Variants in KDM5A observed in about 807,000 individuals in gnomAD.
KDM5A encodes lysine-specific demethylase 5A.
Under a neutral mutation model 193.5 loss-of-function variants are expected in KDM5A, and 42 were observed. That is an observed-to-expected ratio of 0.22 (90% CI 0.17 to 0.28). The LOEUF (loss-of-function observed/expected upper bound fraction) is 0.28. Ranked by LOEUF, KDM5A falls within the 10% of genes least tolerant of loss-of-function variation. The pLI, the probability that KDM5A is intolerant of heterozygous loss-of-function variation, is 1.00. For synonymous variants in KDM5A, 796 were observed against 718.1 expected (o/e 1.11, Z -1.73); for missense variants, 1,692 against 2,055.1 (o/e 0.82, Z 3.42).
At chr12:361,494 T>C (rs944789903) in intron 5 of KDM5A, among the ~76,000 whole-genome samples, 2 of 152,014 alleles carry the variant, frequency 1.3e-5, no homozygotes, top group African/African-American at 4.8e-5. Flanking sequence ...ATGCCCGGCC[T>C]GTAGTCCCCA....
chr12:385,912 G>GC lies in KDM5A; in HGVS notation c.227dup (p.Leu77ProfsTer3). On this transcript the variant is annotated frameshift_variant, in exon 2 of 28. Transcript: ENST00000399788. LOFTEE classifies it high-confidence loss of function. Reference sequence around the variant, plus strand: ...AAACACTTACCTCAAGTTCATTCAGGCGCTGGACTCTTGGAGTGAAACGAA... The same window carrying GC: ...AAACACTTACCTCAAGTTCATTCAGGCCGCTGGACTCTTGGAGTGAAACGAA... The GC allele has an allele frequency of 6.2e-7, 1 of 1,613,580 alleles. No homozygotes were observed. The highest frequency in any genetic ancestry group is 2.2e-5 in the East Asian group (1 of 44,844).
intron 14 of KDM5A, among the ~76,000 whole-genome samples, chr12:328,189 T>C (rs1393650704): frequency 1.3e-5 from 2 of 152,212 alleles, no homozygotes; most frequent in Non-Finnish European, 2.9e-5. Flanking sequence ...ACATCAATTA[T>C]GCTTCAACAA....
At chr12:346,048 G>C (rs1944070263) in intron 10 of KDM5A, among the ~76,000 whole-genome samples, 1 of 151,680 alleles carries the variant, frequency 6.6e-6, no homozygotes, top group African/African-American at 2.4e-5. Flanking sequence ...AAGGAGAGAA[G>C]AATCAAATAG....
intron 10 of KDM5A, among the ~76,000 whole-genome samples, chr12:338,042 G>C (rs1943955941): frequency 6.6e-6 from 1 of 152,164 alleles, no homozygotes. Flanking sequence ...TAAATGTTAA[G>C]TGAAAGCAAT....
chr12:326,549 T>C (rs1249617077), intron 14 of KDM5A, among the ~76,000 whole-genome samples: 1 of 152,166 alleles, frequency 6.6e-6, no homozygotes, highest in Non-Finnish European at 1.5e-5. Flanking sequence ...GTCATGGGGA[T>C]AGAAGACACA....
At chr12:344,643 AGAATTT>A (rs1271574741) in intron 10 of KDM5A, among the ~76,000 whole-genome samples, 7 of 152,346 alleles carry the variant, frequency 4.6e-5, no homozygotes, top group African/African-American at 1.7e-4. Context: ...TTTTCAACTC[AGAATTT>A]CATAGCCAGC....
chr12:374,496 A>C (rs1381130023), intron 3 of KDM5A, among the ~76,000 whole-genome samples: 1 of 152,166 alleles, frequency 6.6e-6, no homozygotes, highest in Non-Finnish European at 1.5e-5. Context: ...CTCCTGAATA[A>C]AGCACACTGG....
chr12:330,247 T>C (rs1220348219), intron 13 of KDM5A, among the ~76,000 whole-genome samples: 1 of 152,152 alleles, frequency 6.6e-6, no homozygotes, highest in Non-Finnish European at 1.5e-5. Context: ...TTAACTATTA[T>C]AATATGTGAG....
intron 3 of KDM5A, among the ~76,000 whole-genome samples, chr12:372,037 C>T (rs1176221563): frequency 6.6e-6 from 1 of 152,168 alleles, no homozygotes; most frequent in African/African-American, 2.4e-5. Flanking sequence ...AAGCATGATG[C>T]CTCCAGCTTT....
chr12:334,755 G>T (rs902772896), intron 10 of KDM5A, among the ~76,000 whole-genome samples: 1 of 151,944 alleles, frequency 6.6e-6, no homozygotes, highest in Non-Finnish European at 1.5e-5. Flanking sequence ...ATAGCCAGTA[G>T]CATAATTTCC....
Position 311,067 on chromosome 12 carries a change from G to GA in KDM5A, c.3037-4dup, listed in dbSNP as rs750369625. 1.2e-6 allele frequency: 2 copies of GA among 1,614,156 alleles called. No homozygotes were observed. Among genetic ancestry groups the GA allele is most frequent in the South Asian group, 1.1e-5 (1 of 91,072 alleles). ...AAATAAGCGTAATTGCTGCCACTCT[G>GA]AAAAACCAAAGTAGATTCTCACAAT... On this transcript the variant is annotated splice_polypyrimidine_tract_variant and splice_region_variant and intron_variant, in intron 20 of 27. Transcript: ENST00000399788.
Position 282,583 on chromosome 12 carries a change from T to C in KDM5A, c.*2873A>G, listed in dbSNP as rs1023378933. The C allele has an allele frequency of 1.7e-5, 4 of 233,034 alleles. No individual in the cohort carries two copies. Among genetic ancestry groups the C allele is most frequent in the African/African-American group, 6.6e-5 (3 of 45,354 alleles). The allele number at this position is 233,034 out of a possible 1,614,324, so 14.4% of individuals were successfully genotyped here. On this transcript the variant is annotated 3_prime_UTR_variant, in exon 28 of 28. Transcript: ENST00000399788. ...TAACTACTGGTGCTGTATTTGTACT[T>C]TTAAACTTGGGGATCTGCATAGTTC...
At chr12:341,397 C>G (rs1415323080) in intron 10 of KDM5A, among the ~76,000 whole-genome samples, 1 of 152,154 alleles carries the variant, frequency 6.6e-6, no homozygotes, top group Admixed American at 6.5e-5. Context: ...CTCTTTCTCC[C>G]TTGGTAAATC....
chr12:289,451 C>T (rs1943260715), intron 27 of KDM5A, among the ~76,000 whole-genome samples: 1 of 151,908 alleles, frequency 6.6e-6, no homozygotes, highest in Non-Finnish European at 1.5e-5. Context: ...AAATCTTTTA[C>T]ATTATTCTGG....
chr12:319,468 T>C (rs11611810), intron 18 of KDM5A, among the ~76,000 whole-genome samples: 44,964 of 152,068 alleles, frequency 0.3, 6,864 homozygotes, highest in East Asian at 0.51. Context: ...ACTTGGTTCA[T>C]TAAAAGGCGT....
intron 3 of KDM5A, among the ~76,000 whole-genome samples, chr12:374,138 T>C (rs528175794): frequency 2.1e-4 from 32 of 152,310 alleles, no homozygotes; most frequent in African/African-American, 7.7e-4. Context: ...GATATCCTTG[T>C]TAACTTTCTG....
Position 293,109 on chromosome 12 carries a change from G to T in KDM5A, c.4516C>A (p.Arg1506=). Reference sequence around the variant, plus strand: ...TCTACCTTTTCTAGCTTCCGTTTCCGTTTCTTCTCTGAAGAGTCCTTTCCT... The same window carrying T: ...TCTACCTTTTCTAGCTTCCGTTTCCTTTTCTTCTCTGAAGAGTCCTTTCCT... ...VKGKDSSEKK[R]KRKLEKVEQL... is the part of the protein sequence containing the mutation. The change falls in exon 27 of 28, where the codon CGG becomes AGG. Residue 1506 remains arginine, a synonymous_variant. Transcript: ENST00000399788. 1 of 1,596,898 alleles carries T rather than the reference G, an allele frequency of 6.3e-7. No homozygotes were observed. The highest frequency in any genetic ancestry group is 2.2e-5 in the East Asian group (1 of 44,792).
chr12:312,981 G>C (rs1461819532), intron 20 of KDM5A, 75 bp downstream of exon 20: 3 of 1,430,382 alleles, frequency 2.1e-6, no homozygotes, highest in Non-Finnish European at 3.0e-6. Context: ...CTATTCTAAA[G>C]AATTAATAGT....
chr12:323,185 G>A lies in KDM5A; in HGVS notation c.2172C>T (p.Asp724=), dbSNP rs2137410563. Residue 724 remains aspartate (D), a synonymous_variant, in exon 16 of 28, where the codon GAC becomes GAT. Transcript: ENST00000399788. ...KCLRYRYPLE[D]LPSLLYGVKV... Reference sequence around the variant, plus strand: ...TTACACCATATAGCAGAGAAGGGAGGTCTTCTAATGGGTAGCGATATCTAC... The same window carrying A: ...TTACACCATATAGCAGAGAAGGGAGATCTTCTAATGGGTAGCGATATCTAC... 1 of 633,924 alleles carries A rather than the reference G, an allele frequency of 1.6e-6. No individual in the cohort carries two copies. Among genetic ancestry groups the A allele is most frequent in the Non-Finnish European group, 2.7e-6 (1 of 370,044 alleles). The allele number at this position is 633,924 out of a possible 1,614,324, so 39.3% of individuals were successfully genotyped here. A position where few individuals can be genotyped will look rare whatever the true frequency, so the allele number is the denominator to read the frequency against.
Sources: gnomAD v4.1 joint callset for allele counts (sites outside exome capture counted in the v4.1 genomes callset) on GRCh38, gnomAD v4.1.1 for gene constraint, MANE v1.5 for transcripts, NCBI Gene and HGNC (gene_info 2026-07-23, HGNC 2026-07-21) for gene names.